The following PRKAG3 variants were observed in gnomAD, a reference collection of about 807,000 sequenced individuals.
PRKAG3 encodes protein kinase AMP-activated non-catalytic subunit gamma 3.
A neutral mutation model predicts 56.5 loss-of-function variants in PRKAG3; 39 were observed. The observed-to-expected ratio is 0.69, with a 90% CI of 0.53 to 0.90. PRKAG3 has a LOEUF of 0.90. Among genes scored for constraint, PRKAG3 ranks in the 40% least tolerant of loss-of-function variants. PRKAG3 has a pLI of 0.00. For missense variants in PRKAG3, 628 were observed against 627.5 expected, an observed-to-expected ratio of 1.00 and a Z score of -0.01; for synonymous variants, 243 against 250.1, an observed-to-expected ratio of 0.97 and a Z score of 0.27.
chr2:218,823,281 C>G (rs1408422277), downstream of PRKAG3: 1 of 234,804 alleles, frequency 4.3e-6, no homozygotes, highest in African/African-American at 2.3e-5. Context: ...TTCCTTTAAG[C>G]TTTAGTTCTT....
At chr2:218,830,481 G>A (rs994350281) in intron 3 of PRKAG3, 100 bp from the exon 4 acceptor site, 30 of 1,450,098 alleles carry the variant, frequency 2.1e-5, no homozygotes, top group Non-Finnish European at 2.8e-5. Flanking sequence ...GGGAAGCCTG[G>A]ATGCTGTGGC....
chr2:218,823,839 A>G (rs1480109395), exon 13 of PRKAG3: 10 of 1,614,012 alleles, frequency 6.2e-6, no homozygotes, highest in Non-Finnish European at 8.5e-6. Flanking sequence ...ACCACGCCCA[A>G]GAGATGCTGG....
In PRKAG3 at chr2:218,824,084, C is replaced by T. The variant is rs1164834695; in HGVS notation, c.1353+138G>A. 1.8e-5 allele frequency: 25 copies of T among 1,420,522 alleles called. No individual in the cohort carries two copies. The South Asian group carries it at 2.8e-4, about 16-fold the overall frequency. The allele number at this position is 1,420,522 out of a possible 1,614,324, so 88.0% of individuals were successfully genotyped here. A position where few individuals can be genotyped will look rare whatever the true frequency, so the allele number is the denominator to read the frequency against. ...AGGGCCCCATGGACAGGACCAGGTG[C>T]AGGCCAGTGTGGGCACCAGGAGTTG... On this transcript the variant is annotated intron_variant, in intron 12 of 12. Coordinates refer to ENST00000529249, the Ensembl canonical transcript of PRKAG3.
intron 4 of PRKAG3, 57 bp from the exon 5 acceptor site, chr2:218,828,657 TC>T: frequency 1.3e-6 from 2 of 1,482,704 alleles, no homozygotes; most frequent in Non-Finnish European, 1.8e-6. Flanking sequence ...CACCCCCCTC[TC>T]TGCCCCTCAG....
At chr2:218,826,875 A>G (rs1943939682) in intron 10 of PRKAG3, 53 bp downstream of exon 10, 1 of 1,604,276 alleles carries the variant, frequency 6.2e-7, no homozygotes, top group African/African-American at 1.3e-5. Flanking sequence ...TCTCCCCACC[A>G]GGTTCTCCCA....
chr2:218,829,325 CT>C (rs200071537), intron 4 of PRKAG3, among the ~76,000 whole-genome samples: 467 of 142,732 alleles, frequency 3.3e-3, no homozygotes, highest in Middle Eastern at 3.7e-3. Context: ...TCTGTGATGC[CT>C]TTTTTTTTTT....
Position 218,826,766 on chromosome 2 carries a change from G to A in PRKAG3, c.1168+162C>T, listed in dbSNP as rs1943937644. 3.5e-6 allele frequency: 3 copies of A among 863,798 alleles called. No homozygotes were observed. In the South Asian group the frequency reaches 4.7e-5, roughly 13 times the overall value. The allele number at this position is 863,798 out of a possible 1,614,324, so 53.5% of individuals were successfully genotyped here. On this transcript the variant is annotated intron_variant, in intron 10 of 12. Coordinates refer to ENST00000529249, the Ensembl canonical transcript of PRKAG3. ...GGAAACTGAGGCACAGAGAGGCTAA[G>A]CAACTTGCCCAAGTCTCAGAGTAGA... is the stretch of plus-strand genomic sequence containing the variant.
rs1370962157 is a variant in PRKAG3, at chr2:218,830,906, A to G, written c.74-5T>C. The stretch of plus-strand genomic sequence containing the variant: ...CTTGCTCTAGGAAGCTCATCTCTGG[A>G]AGGGGAATGGGGCCTGTTTGGTTAA... On this transcript the variant is annotated splice_polypyrimidine_tract_variant and splice_region_variant and intron_variant, in intron 2 of 12. Coordinates refer to ENST00000529249, the Ensembl canonical transcript of PRKAG3. 6.2e-7 allele frequency: 1 copy of G among 1,613,460 alleles called. No individual in the cohort carries two copies. Among genetic ancestry groups the G allele is most frequent in the East Asian group, 2.2e-5 (1 of 44,880 alleles).
chr2:218,826,803 A>C, intron 10 of PRKAG3, 125 bp downstream of exon 10: 1 of 1,291,376 alleles, frequency 7.7e-7, no homozygotes, highest in African/African-American at 1.5e-5. Flanking sequence ...GGAGACTTCT[A>C]ATCCCCAGTC....
At position 218,824,273 on chromosome 2, in the gene PRKAG3, G is replaced by A. The variant is rs868202669; in HGVS notation, c.1302C>T (p.Cys434=). The A allele has an allele frequency of 8.1e-6, 13 of 1,614,030 alleles. No individual in the cohort carries two copies. The South Asian group carries it at 1.3e-4, about 16-fold the overall frequency. The change falls in exon 12 of 13, where the codon TGC becomes TGT. Residue 434 remains cysteine, a synonymous_variant. Transcript: ENST00000529249. The stretch of plus-strand genomic sequence containing the variant: ...CTTCCCCCAAGCTCTCGTGGGGCTG[G>A]CAGGAAAGGACTCCCTCCAGACATA...
intron 10 of PRKAG3, among the ~76,000 whole-genome samples, chr2:218,825,370 C>T (rs192513312): frequency 2.0e-5 from 3 of 150,656 alleles, no homozygotes; most frequent in Non-Finnish European, 4.4e-5. Context: ...TGGCCGGTCG[C>T]GGTGGCTCAT....
In PRKAG3 at chr2:218,829,954, G is replaced by C. The variant is rs373602025; in HGVS notation, c.633+24C>G. ...ACCGTGTGGATGGAGAGTGAGTACA[G>C]GTTGGGCAGAGCCGTGGCCTCACCT... is the stretch of plus-strand genomic sequence containing the variant. On this transcript the variant is annotated intron_variant, in intron 4 of 12. Coordinates refer to ENST00000529249, the Ensembl canonical transcript of PRKAG3. 8.8e-5 allele frequency: 141 copies of C among 1,608,360 alleles called. No individual in the cohort carries two copies. In the Middle Eastern group the frequency reaches 2.6e-3, roughly 29 times the overall value.
rs1485429686 is a variant in PRKAG3 at position 218,827,854 on chromosome 2, G to T, written c.799C>A (p.His267Asn). 1 of 1,613,936 alleles carries T rather than the reference G, an allele frequency of 6.2e-7. No homozygotes were observed. Among genetic ancestry groups the T allele is most frequent in the African/African-American group, 1.3e-5 (1 of 74,870 alleles). The change falls in exon 7 of 13, where the codon CAT (histidine) becomes AAT (asparagine). Residue 267 changes from histidine (H) to asparagine (N), a missense_variant. His to Asn is a moderately conservative substitution (Grantham distance 68). Transcript: ENST00000529249. This position sits in a 1 kb window ranked among gnomAD's most constrained non-coding sequence, Gnocchi z 5.3. ...TCACCCCTCCAGGTCTCAATCTTAT[G>T]TTGTTCAATCTCATAGATCTGGACC... is the stretch of plus-strand genomic sequence containing the variant.
exon 13 of PRKAG3, chr2:218,823,732 G>A: frequency 6.2e-7 from 1 of 1,613,520 alleles, no homozygotes; most frequent in Non-Finnish European, 8.5e-7. Flanking sequence ...CAGGTGTGCA[G>A]GTGGCTTGGG....
At chr2:218,828,028 C>A (rs1351150154) in exon 6 of PRKAG3, 1 of 1,568,498 alleles carries the variant, frequency 6.4e-7, no homozygotes, top group Non-Finnish European at 8.7e-7. Context: ...AGTAGCGATG[C>A]AGCACCAGGA....
intron 3 of PRKAG3, 65 bp downstream of exon 3, chr2:218,830,681 C>A: frequency 1.3e-6 from 2 of 1,567,928 alleles, no homozygotes; most frequent in Non-Finnish European, 8.7e-7. Flanking sequence ...GAGACCAGAC[C>A]CAGGCTCCTC....
In PRKAG3 at chr2:218,827,353, G is replaced by T. The variant is rs773250227; in HGVS notation, c.896C>A (p.Thr299Asn). The change falls in exon 9 of 13, where the codon ACC becomes AAC. Residue 299 changes from threonine (T) to asparagine (N), a missense_variant. By Grantham distance (65) the Thr-to-Asn change is moderately conservative (BLOSUM62 0). Transcript: ENST00000529249. This position sits in a 1 kb window ranked among gnomAD's most constrained non-coding sequence, Gnocchi z 5.3. ...GCGATGGATCCGGTTCTTGATGAGG[G>T]TGTAGACAGCTTCAAACAGGCTGCA... The T allele has an allele frequency of 1.9e-6, 3 of 1,614,154 alleles. No homozygotes were observed. The highest frequency in any genetic ancestry group is 2.2e-5 in the South Asian group (2 of 91,070).
intron 3 of PRKAG3, 40 bp downstream of exon 3, chr2:218,830,706 C>T (rs774406562): frequency 6.2e-7 from 1 of 1,601,690 alleles, no homozygotes; most frequent in Non-Finnish European, 8.5e-7. Flanking sequence ...ATTTCCCACT[C>T]CCCTGGCTCC....
chr2:218,829,116 T>C lies in PRKAG3; in HGVS notation c.634-516A>G, dbSNP rs868715192. On this transcript the variant is annotated intron_variant, in intron 4 of 12. Transcript: ENST00000529249. ...AAATATAAAGCTACTGAAATAGACATATTTTTTCACGAACCATTAGAATCA... is the reference window on the plus strand; with the variant it reads ...AAATATAAAGCTACTGAAATAGACACATTTTTTCACGAACCATTAGAATCA... Among the ~76,000 whole-genome samples, 8 of 152,318 alleles carry C rather than the reference T, an allele frequency of 5.3e-5. 1 individual carries two copies. The Middle Eastern group carries it at 0.024, about 453-fold the overall frequency.
Sources: allele counts gnomAD v4.1 joint callset (sites outside exome capture counted in the v4.1 genomes callset), GRCh38; gene constraint gnomAD v4.1.1; non-coding constraint Gnocchi (gnomAD v3.1); transcripts MANE v1.5; gene names NCBI Gene and HGNC (gene_info 2026-07-23, HGNC 2026-07-21).